The following LAMA1 variants were observed in gnomAD, a reference collection of about 807,000 sequenced individuals.
LAMA1 encodes the protein laminin subunit alpha-1.
Under a neutral mutation model 348.7 loss-of-function variants are expected in LAMA1, and 219 were observed. The ratio of observed to expected loss-of-function variants is 0.63; its 90% confidence interval spans 0.56 to 0.70. The LOEUF is 0.70. Ranked by LOEUF, LAMA1 falls within the 30% of genes least tolerant of loss-of-function variation. LAMA1 has a pLI of 0.00. For missense variants in LAMA1, 3,744 were observed against 3,888.0 expected (o/e 0.96, Z 0.99); for synonymous variants, 1,487 against 1,491.0 (o/e 1.00, Z 0.06).
At chr18:7,078,139 A>ATTTTTTTTTGTT (rs368037122) in intron 3 of LAMA1, among the ~76,000 whole-genome samples, 2 of 140,798 alleles carry the variant, frequency 1.4e-5, no homozygotes, top group African/African-American at 5.2e-5. Context: ...TTCTCTTTTT[A>ATTTTTTTTTGTT]TTTTTTTTTG....
At chr18:7,046,015 T>C (rs1381756206) in intron 6 of LAMA1, among the ~76,000 whole-genome samples, 1 of 152,050 alleles carries the variant, frequency 6.6e-6, no homozygotes. Flanking sequence ...GCCACTGAAC[T>C]GTACACTTTC....
intron 51 of LAMA1, among the ~76,000 whole-genome samples, chr18:6,962,289 C>T (rs1392901772): frequency 1.3e-5 from 2 of 151,972 alleles, no homozygotes; most frequent in African/African-American, 4.8e-5. Context: ...GGCATGGTAG[C>T]ATGCACTTGT....
intron 1 of LAMA1, among the ~76,000 whole-genome samples, chr18:7,108,813 A>G (rs1185190542): frequency 6.6e-6 from 1 of 152,150 alleles, no homozygotes; most frequent in African/African-American, 2.4e-5. Context: ...AAGAGTTGGA[A>G]AAACTTAGTT....
At chr18:7,070,153 T>C (rs1355157496) in intron 3 of LAMA1, among the ~76,000 whole-genome samples, 1 of 152,212 alleles carries the variant, frequency 6.6e-6, no homozygotes, top group Non-Finnish European at 1.5e-5. Context: ...TTCCAAATCA[T>C]AATGATGAGC....
intron 1 of LAMA1, among the ~76,000 whole-genome samples, chr18:7,117,327 C>A (rs1402803277): frequency 2.0e-5 from 3 of 152,092 alleles, no homozygotes; most frequent in African/African-American, 7.2e-5. Context: ...CCGGGCGCCC[C>A]GCTCCCGCCA....
intron 3 of LAMA1, among the ~76,000 whole-genome samples, chr18:7,077,116 T>A (rs972906812): frequency 6.6e-6 from 1 of 152,134 alleles, no homozygotes; most frequent in Non-Finnish European, 1.5e-5. Context: ...TTAAGTGATC[T>A]TATTTTAAAA....
chr18:6,959,600 A>T, intron 53 of LAMA1, 108 bp from the exon 54 acceptor site: 1 of 1,132,394 alleles, frequency 8.8e-7, no homozygotes. Flanking sequence ...AAGTGAGTAG[A>T]GCAATTCCTT....
intron 9 of LAMA1, among the ~76,000 whole-genome samples, chr18:7,041,421 C>T (rs1188679556): frequency 9.9e-5 from 15 of 152,200 alleles, no homozygotes; most frequent in South Asian, 4.2e-4. Flanking sequence ...ACCAGGTGCA[C>T]GTAAGAATCA....
At chr18:7,095,707 T>C (rs2058258267) in intron 1 of LAMA1, among the ~76,000 whole-genome samples, 2 of 152,252 alleles carry the variant, frequency 1.3e-5, no homozygotes, top group Admixed American at 6.5e-5. Flanking sequence ...GTGCTGACAA[T>C]TACTCAAACT....
At position 7,023,333 on chromosome 18, in the gene LAMA1, T is replaced by A. The variant is rs1598285041; in HGVS notation, c.2532A>T (p.Glu844Asp). The A allele has an allele frequency of 6.2e-7, 1 of 1,614,196 alleles. No homozygotes were observed. The highest frequency in any genetic ancestry group is 1.7e-4 in the Middle Eastern group (1 of 6,060). ...CGCTGCAGTCACAGGGAACACAAGA[T>A]TCGCCAGGCACTGTTGGGTTTCCAT... ...GYYGNPTVPGESCVPCDCSGN... is the reference protein window; with the variant it reads ...GYYGNPTVPGDSCVPCDCSGN... Residue 844 changes from glutamate to aspartate, a missense_variant, in exon 19 of 63, where the codon GAA becomes GAT. By Grantham distance (45) the Glu-to-Asp change is conservative (BLOSUM62 2). Transcript: ENST00000389658.
intron 5 of LAMA1, among the ~76,000 whole-genome samples, chr18:7,047,045 C>CTT (rs11312379): frequency 1.7e-4 from 22 of 133,202 alleles, no homozygotes; most frequent in East Asian, 8.7e-4. Context: ...GCCTTGATTT[C>CTT]TTTTTTTTTT....
chr18:7,117,611 C>T (rs1386056436), intron 1 of LAMA1, 49 bp downstream of exon 1: 5 of 1,578,460 alleles, frequency 3.2e-6, no homozygotes, highest in Non-Finnish European at 1.7e-6. Flanking sequence ...GCCGCCCCCG[C>T]CCGCCCGCCT....
chr18:7,073,807 G>A (rs2143769520), intron 3 of LAMA1, among the ~76,000 whole-genome samples: 1 of 151,230 alleles, frequency 6.6e-6, no homozygotes, highest in South Asian at 2.1e-4. Context: ...TATTTCTGAG[G>A]AACAACCATA....
Position 6,999,653 on chromosome 18 carries a change from G to T in LAMA1, c.4470-15C>A. ...TTGAGGAGCACCTACAGAAAGGAAG[G>T]GACATAGGTGCAGACAGGATGGTCA... On this transcript the variant is annotated splice_polypyrimidine_tract_variant and intron_variant, in intron 31 of 62. Coordinates refer to ENST00000389658, the MANE Select transcript of LAMA1 (RefSeq NM_005559.4). 1 of 1,596,938 alleles carries T rather than the reference G, an allele frequency of 6.3e-7. No homozygotes were observed. The highest frequency in any genetic ancestry group is 1.1e-5 in the South Asian group (1 of 89,236).
In LAMA1 at chr18:6,966,026, A is replaced by C; in HGVS notation, c.7050+121T>G. The C allele has an allele frequency of 6.4e-6, 7 of 1,093,768 alleles. No individual in the cohort carries two copies. The South Asian group carries it at 9.9e-5, about 15-fold the overall frequency. The allele number at this position is 1,093,768 out of a possible 1,614,324, so 67.8% of individuals were successfully genotyped here. A position where few individuals can be genotyped will look rare whatever the true frequency, so the allele number is the denominator to read the frequency against. On this transcript the variant is annotated intron_variant, in intron 49 of 62. Transcript: ENST00000389658. ...ATATTAATACTAGCATATGCTCATAAAAATTGTATGGTATACATATGTACA... is the reference window on the plus strand; with the variant it reads ...ATATTAATACTAGCATATGCTCATACAAATTGTATGGTATACATATGTACA...
chr18:6,985,007 T>G (rs1474301427), intron 39 of LAMA1, among the ~76,000 whole-genome samples: 4 of 152,206 alleles, frequency 2.6e-5, no homozygotes, highest in Non-Finnish European at 5.9e-5. Flanking sequence ...CTGTAGCATA[T>G]TATGTGTTTT....
At chr18:6,993,856 C>T in intron 34 of LAMA1, 104 bp from the exon 35 acceptor site, 1 of 756,960 alleles carries the variant, frequency 1.3e-6, no homozygotes, top group Non-Finnish European at 2.4e-6. Flanking sequence ...TTATAAGCAA[C>T]AACATATATT....
At chr18:7,109,924 C>T (rs1002216900) in intron 1 of LAMA1, among the ~76,000 whole-genome samples, 1 of 152,220 alleles carries the variant, frequency 6.6e-6, no homozygotes, top group African/African-American at 2.4e-5. Context: ...TGGCTCACGC[C>T]TGTAATCCCA....
chr18:6,961,538 C>T (rs770575158), intron 53 of LAMA1, 48 bp downstream of exon 53: 47 of 1,606,988 alleles, frequency 2.9e-5, no homozygotes, highest in African/African-American at 9.4e-5. Context: ...CATTGTTTCC[C>T]GAAGTAATTT....
Sources: allele counts gnomAD v4.1 joint callset (sites outside exome capture counted in the v4.1 genomes callset), GRCh38; gene constraint gnomAD v4.1.1; transcripts MANE v1.5; gene names NCBI Gene and HGNC (gene_info 2026-07-23, HGNC 2026-07-21).